The following RAP1GDS1 variants were observed in gnomAD, a reference collection of about 807,000 sequenced individuals.
RAP1GDS1 encodes RAP1, GTP-GDP dissociation stimulator 1.
Under a neutral mutation model 71.1 loss-of-function variants are expected in RAP1GDS1, and 35 were observed. That is an observed-to-expected ratio of 0.49 (90% CI 0.38 to 0.65). The LOEUF (loss-of-function observed/expected upper bound fraction) is 0.65, where lower values mean the gene tolerates loss of function less well. Among genes scored for constraint, RAP1GDS1 ranks in the 30% least tolerant of loss-of-function variants. The pLI is 0.00. For synonymous variants in RAP1GDS1, 229 were observed against 243.1 expected (o/e 0.94, Z 0.54); for missense variants, 663 against 706.1 (o/e 0.94, Z 0.69).
intron 1 of RAP1GDS1, among the ~76,000 whole-genome samples, chr4:98,286,579 T>C (rs949459982): frequency 6.6e-6 from 1 of 152,102 alleles, no homozygotes; most frequent in African/African-American, 2.4e-5. Flanking sequence ...AAATAGAGTT[T>C]TAATTCCATT....
intron 2 of RAP1GDS1, among the ~76,000 whole-genome samples, chr4:98,313,219 TTTC>T (rs1373253165): frequency 1.1e-4 from 16 of 152,090 alleles, no homozygotes; most frequent in Non-Finnish European, 1.6e-4. Flanking sequence ...GTTAGCAGAA[TTTC>T]TTCTTATTTG....
intron 6 of RAP1GDS1, among the ~76,000 whole-genome samples, chr4:98,393,763 G>T (rs963727077): frequency 1.3e-5 from 2 of 152,066 alleles, no homozygotes; most frequent in African/African-American, 4.8e-5. Flanking sequence ...ATACACAATC[G>T]ATTTCAAACA....
rs754114962 is a variant in RAP1GDS1 at position 98,404,634 on chromosome 4, G to T, written c.763+32G>T. ...AACTTAAATGCACCTTTGGATTTTT[G>T]ATCATGTATGCTTTAAACTTTTTTC... On this transcript the variant is annotated intron_variant, in intron 7 of 14. Transcript: ENST00000408927. 60 of 1,587,740 alleles carry T rather than the reference G, an allele frequency of 3.8e-5. No homozygotes were observed. In the Middle Eastern group the frequency reaches 5.1e-4, roughly 13 times the overall value.
chr4:98,344,649 A>G (rs1180730248), intron 3 of RAP1GDS1, among the ~76,000 whole-genome samples: 4 of 152,204 alleles, frequency 2.6e-5, no homozygotes, highest in African/African-American at 7.2e-5. Context: ...TTCGAAAGAC[A>G]TAATAGAATT....
intron 2 of RAP1GDS1, among the ~76,000 whole-genome samples, chr4:98,338,046 G>A (rs1000370466): frequency 6.6e-6 from 1 of 152,200 alleles, no homozygotes; most frequent in East Asian, 1.9e-4. Flanking sequence ...GGAGACTTGA[G>A]GAGGCTATTG....
At chr4:98,325,029 A>C (rs924820906) in intron 2 of RAP1GDS1, among the ~76,000 whole-genome samples, 39 of 150,646 alleles carry the variant, frequency 2.6e-4, no homozygotes, top group African/African-American at 9.3e-4. Context: ...TCATCTGACA[A>C]AGGGCTAATA....
intron 2 of RAP1GDS1, among the ~76,000 whole-genome samples, chr4:98,308,104 G>A (rs907114635): frequency 5.9e-5 from 9 of 151,586 alleles, no homozygotes; most frequent in Non-Finnish European, 1.3e-4. Context: ...ACTAGCCTGG[G>A]CAGTAAATAA....
intron 1 of RAP1GDS1, among the ~76,000 whole-genome samples, chr4:98,289,207 G>C (rs140116266): frequency 6.6e-6 from 1 of 151,932 alleles, no homozygotes; most frequent in Admixed American, 6.6e-5. Context: ...TAACATTAAA[G>C]AATCTATATA....
intron 6 of RAP1GDS1, among the ~76,000 whole-genome samples, chr4:98,399,825 G>T (rs1447722592): frequency 2.6e-5 from 4 of 152,128 alleles, no homozygotes; most frequent in Non-Finnish European, 5.9e-5. Flanking sequence ...CACACTGGGA[G>T]TGTCAACTAG....
chr4:98,431,984 C>G (rs1284906212), intron 12 of RAP1GDS1, among the ~76,000 whole-genome samples: 1 of 151,942 alleles, frequency 6.6e-6, no homozygotes, highest in Non-Finnish European at 1.5e-5. Context: ...GCACAACGTG[C>G]AGATTTGTTA....
In RAP1GDS1 at chr4:98,421,235, G is replaced by A. The variant is rs757602768; in HGVS notation, c.1301-20G>A. 30 of 1,589,336 alleles carry A rather than the reference G, an allele frequency of 1.9e-5. No individual in the cohort carries two copies. The East Asian group carries it at 5.4e-4, about 29-fold the overall frequency. On this transcript the variant is annotated intron_variant, in intron 11 of 14. Transcript: ENST00000408927. ...TTGTCTGTTAGTGATTCATTCCTTG[G>A]TTTGCCTTCTTTCCTATAGCAGAAG...
chr4:98,338,099 T>C (rs984530152), intron 2 of RAP1GDS1, among the ~76,000 whole-genome samples: 1 of 151,954 alleles, frequency 6.6e-6, no homozygotes, highest in Non-Finnish European at 1.5e-5. Context: ...GTAATATGAA[T>C]GTAGAAAGGA....
chr4:98,342,144 A>G (rs1735582122), intron 2 of RAP1GDS1, among the ~76,000 whole-genome samples: 1 of 152,172 alleles, frequency 6.6e-6, no homozygotes, highest in Non-Finnish European at 1.5e-5. Flanking sequence ...ATAAAGAAAT[A>G]TGTTACGTAC....
chr4:98,374,438 C>T lies in RAP1GDS1; in HGVS notation c.362-4579C>T, dbSNP rs565196449. On this transcript the variant is annotated intron_variant, in intron 4 of 14. Transcript: ENST00000408927. The stretch of plus-strand genomic sequence containing the variant: ...CTAGATCCTGTAACGTAGTCATTAT[C>T]GTTAAAGTCCCTGTATGATAGTTTT... Among the ~76,000 whole-genome samples the T allele has an allele frequency of 7.9e-5, 12 of 152,206 alleles. No homozygotes were observed. In the South Asian group the frequency reaches 1.5e-3, roughly 18 times the overall value.
chr4:98,301,530 C>T (rs1728585383), intron 2 of RAP1GDS1, among the ~76,000 whole-genome samples: 1 of 152,100 alleles, frequency 6.6e-6, no homozygotes, highest in Non-Finnish European at 1.5e-5. Context: ...AGGAGACAGA[C>T]TTCAAATTAT....
At chr4:98,406,146 A>G (rs1746082473) in intron 7 of RAP1GDS1, among the ~76,000 whole-genome samples, 1 of 152,050 alleles carries the variant, frequency 6.6e-6, no homozygotes, top group African/African-American at 2.4e-5. Flanking sequence ...AAAAAAGAGG[A>G]AAGAAAAAGG....
At position 98,302,980 on chromosome 4, in the gene RAP1GDS1, A is replaced by T. The variant is rs1024875344; in HGVS notation, c.112+9465A>T. Among the ~76,000 whole-genome samples the T allele has an allele frequency of 6.6e-5, 10 of 151,796 alleles. 1 individual carries two copies. Among genetic ancestry groups the T allele is most frequent in the African/African-American group, 9.7e-5 (4 of 41,310 alleles). The stretch of plus-strand genomic sequence containing the variant: ...AGAATTGCTTGAGCCCGGGAGACGG[A>T]GGTTGCAGTGAGCAGAGATTGCGTG... On this transcript the variant is annotated intron_variant, in intron 2 of 14. Coordinates refer to ENST00000408927, the MANE Select transcript of RAP1GDS1 (RefSeq NM_001100427.2).
In RAP1GDS1 at chr4:98,313,747, C is replaced by T. The variant is rs866737560; in HGVS notation, c.112+20232C>T. On this transcript the variant is annotated intron_variant, in intron 2 of 14. Transcript: ENST00000408927. The stretch of plus-strand genomic sequence containing the variant: ...CTGTGGTCCCATCTACTTGGGAGGC[C>T]GAGGTGAGAGGATCACTTCGGCCCA... Among the ~76,000 whole-genome samples, 11 of 151,938 alleles carry T rather than the reference C, an allele frequency of 7.2e-5. No homozygotes were observed. In the South Asian group the frequency reaches 8.3e-4, roughly 12 times the overall value.
At chr4:98,412,740 G>A (rs1747251691) in intron 7 of RAP1GDS1, among the ~76,000 whole-genome samples, 1 of 152,112 alleles carries the variant, frequency 6.6e-6, no homozygotes, top group Middle Eastern at 3.2e-3. Flanking sequence ...AGTACAAAAA[G>A]AGGAATTCTA....
Sources: allele counts gnomAD v4.1 joint callset (sites outside exome capture counted in the v4.1 genomes callset), GRCh38; gene constraint gnomAD v4.1.1; transcripts MANE v1.5; gene names NCBI Gene and HGNC (gene_info 2026-07-23, HGNC 2026-07-21).